The following NEDD4 variants were observed in gnomAD, a reference collection of about 807,000 sequenced individuals.
NEDD4 encodes E3 ubiquitin-protein ligase NEDD4.
Under a neutral mutation model 144.9 loss-of-function variants are expected in NEDD4, and 99 were observed. That is an observed-to-expected ratio of 0.68 (90% confidence interval 0.58 to 0.81). The LOEUF is 0.81. NEDD4 is among the 30% of genes least tolerant of loss of function. The pLI is 0.00. For synonymous variants in NEDD4, 318 were observed against 350.6 expected (o/e 0.91, Z 1.04); for missense variants, 985 against 1,065.9 (o/e 0.92, Z 1.06).
intron 18 of NEDD4, among the ~76,000 whole-genome samples, chr15:55,844,470 G>C (rs1050480970): frequency 1.3e-5 from 2 of 152,098 alleles, no homozygotes; most frequent in Non-Finnish European, 2.9e-5. Flanking sequence ...GAAGAAGAGG[G>C]GGGTACAAGA....
At chr15:55,838,466 C>T (rs2141974401) in intron 22 of NEDD4, 43 bp downstream of exon 22, 1 of 1,332,274 alleles carries the variant, frequency 7.5e-7, no homozygotes, top group South Asian at 1.2e-5. Context: ...AAACATTTGT[C>T]TCACAATTTA....
chr15:55,871,306 G>A (rs2034788504), intron 7 of NEDD4, among the ~76,000 whole-genome samples: 1 of 152,140 alleles, frequency 6.6e-6, no homozygotes, highest in Admixed American at 6.5e-5. Context: ...GAAGCCTCAA[G>A]GTTTTGACTT....
intron 5 of NEDD4, among the ~76,000 whole-genome samples, chr15:55,907,151 G>A (rs1014962609): frequency 1.3e-5 from 2 of 151,320 alleles, no homozygotes; most frequent in African/African-American, 4.9e-5. Context: ...AAGAAAGGGG[G>A]AAACTTGGAA....
At chr15:55,980,366 G>T (rs913785111) in intron 1 of NEDD4, among the ~76,000 whole-genome samples, 3 of 152,088 alleles carry the variant, frequency 2.0e-5, no homozygotes, top group Non-Finnish European at 4.4e-5. Context: ...CCCCAACTTG[G>T]GTCTGAGAAC....
intron 1 of NEDD4, among the ~76,000 whole-genome samples, chr15:55,968,290 G>T (rs1230993849): frequency 1.3e-5 from 2 of 151,846 alleles, no homozygotes; most frequent in African/African-American, 4.8e-5. Flanking sequence ...AAAGTGAAAA[G>T]AAATTTTTAA....
chr15:55,883,693 ACAAACAC>A (rs757911431), intron 5 of NEDD4, among the ~76,000 whole-genome samples: 14 of 122,914 alleles, frequency 1.1e-4, no homozygotes, highest in Non-Finnish European at 2.1e-4. Flanking sequence ...ACACACACAC[ACAAACAC>A]ACACACACAC....
chr15:55,970,559 A>T (rs1419898741), intron 1 of NEDD4, among the ~76,000 whole-genome samples: 1 of 152,196 alleles, frequency 6.6e-6, no homozygotes, highest in Non-Finnish European at 1.5e-5. Flanking sequence ...GGCAGCTCAG[A>T]ACAGAGAGAG....
At chr15:55,908,436 G>A (rs12911380) in intron 5 of NEDD4, among the ~76,000 whole-genome samples, 9,202 of 151,980 alleles carry the variant, frequency 0.061, 362 homozygotes, top group Non-Finnish European at 0.089. Flanking sequence ...TGAATTACTC[G>A]TGATAATGGC....
intron 5 of NEDD4, among the ~76,000 whole-genome samples, chr15:55,877,430 A>G (rs2035033829): frequency 6.6e-6 from 1 of 152,214 alleles, no homozygotes; most frequent in African/African-American, 2.4e-5. Flanking sequence ...TCAGTGCATC[A>G]TATCAGGAGG....
intron 1 of NEDD4, among the ~76,000 whole-genome samples, chr15:55,970,477 G>A (rs2037589166): frequency 6.6e-6 from 1 of 152,184 alleles, no homozygotes; most frequent in South Asian, 2.1e-4. Flanking sequence ...GTACTGTGTT[G>A]GCTTCAGGTG....
At chr15:55,949,827 G>A (rs1209059593) in intron 4 of NEDD4, among the ~76,000 whole-genome samples, 3 of 152,048 alleles carry the variant, frequency 2.0e-5, no homozygotes, top group African/African-American at 7.2e-5. Context: ...GGGAGGGATA[G>A]TATTAGGAGA....
chr15:55,833,152 TA>T, intron 26 of NEDD4, 48 bp from the exon 27 acceptor site: 1 of 1,151,542 alleles, frequency 8.7e-7, no homozygotes, highest in Non-Finnish European at 1.3e-6. Context: ...GGGAAAGAGG[TA>T]AACAAATTAT....
intron 20 of NEDD4, 26 bp downstream of exon 20, chr15:55,840,580 G>A: frequency 1.2e-6 from 2 of 1,613,476 alleles, no homozygotes; most frequent in East Asian, 4.5e-5. Flanking sequence ...TAATTATATT[G>A]TAAAAAGTTT....
At chr15:55,848,616 C>T (rs371936158) in intron 15 of NEDD4, 41 bp from the exon 16 acceptor site, 14 of 1,550,842 alleles carry the variant, frequency 9.0e-6, no homozygotes, top group African/African-American at 4.1e-5. Flanking sequence ...AGGAGAGGGG[C>T]GTAGATGAAT....
At chr15:55,971,624 CAA>C (rs59537454) in intron 1 of NEDD4, among the ~76,000 whole-genome samples, 71 of 124,574 alleles carry the variant, frequency 5.7e-4, no homozygotes, top group African/African-American at 6.4e-4. Flanking sequence ...GACTCTGTCT[CAA>C]AAAAAAAAAA....
chr15:55,977,260 GT>G (rs1258957666), intron 1 of NEDD4, among the ~76,000 whole-genome samples: 8 of 152,120 alleles, frequency 5.3e-5, no homozygotes, highest in Non-Finnish European at 5.9e-5. Flanking sequence ...CCTTTTCTAT[GT>G]TTTGGTACAC....
intron 4 of NEDD4, among the ~76,000 whole-genome samples, chr15:55,927,148 G>A (rs1190933342): frequency 6.7e-6 from 1 of 148,726 alleles, no homozygotes; most frequent in Admixed American, 6.7e-5. Context: ...TTTCAAAGAA[G>A]ATGTAGAAGA....
chr15:55,959,717 G>C (rs991518434), intron 2 of NEDD4, among the ~76,000 whole-genome samples: 2 of 152,180 alleles, frequency 1.3e-5, no homozygotes, highest in Admixed American at 1.3e-4. Flanking sequence ...GTGAGCTGCT[G>C]AATGGCAAGA....
intron 12 of NEDD4, 67 bp downstream of exon 12, chr15:55,856,064 T>C: frequency 7.1e-7 from 1 of 1,400,334 alleles, no homozygotes; most frequent in Non-Finnish European, 1.0e-6. Context: ...CACTCAATCT[T>C]CCAAAAAATA....
Sources: allele counts gnomAD v4.1 joint callset (sites outside exome capture counted in the v4.1 genomes callset), GRCh38; gene constraint gnomAD v4.1.1; transcripts MANE v1.5; gene names NCBI Gene and HGNC (gene_info 2026-07-23, HGNC 2026-07-21).